Variants in EYS observed in about 807,000 individuals in gnomAD.
EYS encodes the protein EGF-like photoreceptor maintenance factor.
EYS carries 250 observed loss-of-function variants against 282.1 expected under a neutral mutation model. That is an observed-to-expected ratio of 0.89 (90% CI 0.80 to 0.98). The LOEUF is 0.98. Ranked by LOEUF, EYS falls within the 50% of genes least tolerant of loss-of-function variation. The pLI is 0.00. For missense variants in EYS, 4,016 were observed against 3,709.0 expected (o/e 1.08, Z -2.15); for synonymous variants, 1,355 against 1,282.9 (o/e 1.06, Z -1.20).
chr6:64,581,709 A>G (rs1265006889), intron 26 of EYS, among the ~76,000 whole-genome samples: 1 of 152,124 alleles, frequency 6.6e-6, no homozygotes, highest in African/African-American at 2.4e-5. Flanking sequence ...CTTACGTTGT[A>G]CTCGAGTCTC....
At chr6:64,253,832 C>A (rs906213980) in intron 30 of EYS, among the ~76,000 whole-genome samples, 2 of 151,960 alleles carry the variant, frequency 1.3e-5, no homozygotes, top group South Asian at 4.2e-4. Context: ...TCTTTTCTTC[C>A]CCCCAAAAGA....
intron 12 of EYS, among the ~76,000 whole-genome samples, chr6:65,199,155 G>A (rs1352310062): frequency 1.3e-5 from 2 of 152,092 alleles, no homozygotes; most frequent in African/African-American, 4.8e-5. Context: ...ATGCTTTCAT[G>A]TTACTGCTGT....
At chr6:63,948,639 C>G (rs1765470705) in intron 35 of EYS, among the ~76,000 whole-genome samples, 2 of 151,798 alleles carry the variant, frequency 1.3e-5, no homozygotes, top group Admixed American at 6.6e-5. Context: ...TTTCTCTCTC[C>G]TTCTCCTGAA....
At chr6:64,148,989 A>G (rs1774614082) in intron 31 of EYS, among the ~76,000 whole-genome samples, 1 of 152,200 alleles carries the variant, frequency 6.6e-6, no homozygotes, top group African/African-American at 2.4e-5. Context: ...TTCATAAATG[A>G]CAACTCTAAT....
In EYS at chr6:65,294,558, G is replaced by A. The variant is rs1245756066; in HGVS notation, c.2023+1305C>T. On this transcript the variant is annotated intron_variant, in intron 12 of 42. Coordinates refer to ENST00000503581, the MANE Select transcript of EYS (RefSeq NM_001142800.2). Reference sequence around the variant, plus strand: ...AGTTTATACACAATATATATTTAATGATCATATAACGTACAACCAATATAG... The same window carrying A: ...AGTTTATACACAATATATATTTAATAATCATATAACGTACAACCAATATAG... Among the ~76,000 whole-genome samples the A allele has an allele frequency of 2.0e-5, 3 of 151,664 alleles. No individual in the cohort carries two copies. The East Asian group carries it at 5.8e-4, about 29-fold the overall frequency.
chr6:65,502,776 G>T (rs1436054832), intron 2 of EYS, among the ~76,000 whole-genome samples: 2 of 151,530 alleles, frequency 1.3e-5, no homozygotes, highest in Non-Finnish European at 3.0e-5. Flanking sequence ...TGATTCATCT[G>T]ATTTCTTTTC....
At chr6:64,348,818 A>G (rs1771510678) in intron 29 of EYS, among the ~76,000 whole-genome samples, 1 of 151,264 alleles carries the variant, frequency 6.6e-6, no homozygotes, top group African/African-American at 2.4e-5. Flanking sequence ...GCTCTCCCTT[A>G]CTTCCCTATA....
chr6:63,939,071 A>G (rs1338217732), intron 35 of EYS, among the ~76,000 whole-genome samples: 2 of 152,086 alleles, frequency 1.3e-5, no homozygotes, highest in Non-Finnish European at 2.9e-5. Context: ...ATTGGAACAG[A>G]GGCTTTCTGA....
rs9354018 is a variant in EYS at position 64,665,116 on chromosome 6, T to A, written c.3444-38871A>T. ...TACAAATAATATAGACTTTGAAAGT[T>A]TTCATAAATGAAACGCTTGTTTTCC... On this transcript the variant is annotated intron_variant, in intron 22 of 42. Transcript: ENST00000503581. 4.6e-5 allele frequency among the ~76,000 whole-genome samples: 7 copies of A among 152,360 alleles called. No individual in the cohort carries two copies. The East Asian group carries it at 1.3e-3, about 29-fold the overall frequency.
At position 65,280,761 on chromosome 6, in the gene EYS, T is replaced by A. The variant is rs892042501; in HGVS notation, c.2023+15102A>T. On this transcript the variant is annotated intron_variant, in intron 12 of 42. Coordinates refer to ENST00000503581, the MANE Select transcript of EYS (RefSeq NM_001142800.2). Reference sequence around the variant, plus strand: ...GGCTGGGCGCAGTGGCTCACGCCTGTAATCCCAGCACTTTGGGAGGCCAAG... The same window carrying A: ...GGCTGGGCGCAGTGGCTCACGCCTGAAATCCCAGCACTTTGGGAGGCCAAG... Among the ~76,000 whole-genome samples, 17 of 151,656 alleles carry A rather than the reference T, an allele frequency of 1.1e-4. No individual in the cohort carries two copies. The East Asian group carries it at 1.9e-3, about 17-fold the overall frequency.
At chr6:65,164,385 A>C (rs1300495639) in intron 12 of EYS, among the ~76,000 whole-genome samples, 2 of 151,218 alleles carry the variant, frequency 1.3e-5, no homozygotes, top group Non-Finnish European at 3.0e-5. Context: ...AAGACTGCTT[A>C]ATTCTACGAT....
chr6:64,080,554 A>G (rs1424043110), intron 32 of EYS, among the ~76,000 whole-genome samples: 3 of 152,064 alleles, frequency 2.0e-5, no homozygotes, highest in Non-Finnish European at 4.4e-5. Context: ...GAAGCTCTTT[A>G]GTTTAATTAC....
At chr6:65,507,992 C>A (rs1448922592) in intron 2 of EYS, among the ~76,000 whole-genome samples, 1 of 152,028 alleles carries the variant, frequency 6.6e-6, no homozygotes, top group African/African-American at 2.4e-5. Context: ...GTATGCCTTG[C>A]AAATTTTTGT....
At chr6:64,893,283 A>C (rs755977700) in intron 18 of EYS, among the ~76,000 whole-genome samples, 3 of 152,068 alleles carry the variant, frequency 2.0e-5, no homozygotes, top group African/African-American at 7.2e-5. Flanking sequence ...TCTTTAAATC[A>C]TGTTACTAGA....
chr6:63,819,845 AG>A (rs1194523093), intron 36 of EYS, among the ~76,000 whole-genome samples: 1 of 152,118 alleles, frequency 6.6e-6, no homozygotes, highest in Non-Finnish European at 1.5e-5. Flanking sequence ...CAGGAGAATA[AG>A]GACAAATTCC....
At chr6:65,307,909 C>A (rs1187491750) in intron 11 of EYS, among the ~76,000 whole-genome samples, 5 of 148,240 alleles carry the variant, frequency 3.4e-5, no homozygotes, top group African/African-American at 9.9e-5. Flanking sequence ...CTCTCTCCCC[C>A]ACTCTCCCAC....
intron 2 of EYS, among the ~76,000 whole-genome samples, chr6:65,550,146 T>TCTGATCAGGGAGAAACCTCAAGACAAAA (rs1562254245): frequency 4.2e-5 from 2 of 47,856 alleles, no homozygotes; most frequent in East Asian, 8.0e-4. Flanking sequence ...ACTATATCTT[T>TCTGATCAGGGAGAAACCTCAAGACAAAA]TTTTTTTTTT....
intron 36 of EYS, among the ~76,000 whole-genome samples, chr6:63,816,357 A>G (rs1771178579): frequency 1.3e-5 from 2 of 152,340 alleles, no homozygotes; most frequent in South Asian, 4.1e-4. Context: ...ATAATGAAAT[A>G]AAGTATTTTA....
At chr6:64,285,237 C>T (rs538117538) in intron 30 of EYS, among the ~76,000 whole-genome samples, 1 of 147,920 alleles carries the variant, frequency 6.8e-6, no homozygotes, top group African/African-American at 2.6e-5. Flanking sequence ...GAATGCTTTA[C>T]CACTTAGAAA....
Sources: gnomAD v4.1 joint callset for allele counts (sites outside exome capture counted in the v4.1 genomes callset) on GRCh38, gnomAD v4.1.1 for gene constraint, MANE v1.5 for transcripts, NCBI Gene and HGNC (gene_info 2026-07-23, HGNC 2026-07-21) for gene names.